The following BUB1 variants were observed in gnomAD, a reference collection of about 807,000 sequenced individuals.
BUB1 encodes the protein BUB1 mitotic checkpoint serine/threonine kinase.
A neutral mutation model predicts 135.2 loss-of-function variants in BUB1; 84 were observed. The observed-to-expected ratio is 0.62, with a 90% CI of 0.52 to 0.74. The LOEUF is 0.74. BUB1 is among the 30% of genes least tolerant of loss of function. The pLI, the probability that BUB1 is intolerant of heterozygous loss-of-function variation, is 0.00. For synonymous variants in BUB1, 403 were observed against 434.4 expected, an observed-to-expected ratio of 0.93 and a Z score of 0.90; for missense variants, 1,162 against 1,288.3, an observed-to-expected ratio of 0.90 and a Z score of 1.50.
At chr2:110,639,897 G>T in intron 23 of BUB1, 49 bp from the exon 24 acceptor site, 4 of 1,405,540 alleles carry the variant, frequency 2.8e-6, no homozygotes, top group South Asian at 2.3e-5. Flanking sequence ...ATTTACACAT[G>T]ACTATATCAA....
intron 3 of BUB1, 85 bp downstream of exon 3, chr2:110,674,001 G>C: frequency 9.0e-7 from 1 of 1,113,978 alleles, no homozygotes; most frequent in African/African-American, 1.6e-5. Context: ...GGAATTAAAA[G>C]CCTAAAATGA....
rs1302833597 is a variant in BUB1, at chr2:110,642,239, G to A, written c.2348-5C>T. The A allele has an allele frequency of 1.9e-6, 3 of 1,555,690 alleles. No homozygotes were observed. Among genetic ancestry groups the A allele is most frequent in the Non-Finnish European group, 2.6e-6 (3 of 1,149,376 alleles). On this transcript the variant is annotated splice_polypyrimidine_tract_variant and splice_region_variant and intron_variant, in intron 19 of 24. Coordinates refer to ENST00000302759, the MANE Select transcript of BUB1 (RefSeq NM_004336.5). Reference sequence around the variant, plus strand: ...GGACATAGACCAGCTTAGAACCTTAGAAGATAATTGAAAATTTTAATTTAT... The same window carrying A: ...GGACATAGACCAGCTTAGAACCTTAAAAGATAATTGAAAATTTTAATTTAT...
intron 17 of BUB1, among the ~76,000 whole-genome samples, chr2:110,652,393 A>G (rs1465606031): frequency 6.6e-6 from 1 of 152,196 alleles, no homozygotes; most frequent in Non-Finnish European, 1.5e-5. Context: ...AAATGGTCCC[A>G]AAGTATAGTG....
chr2:110,641,536 C>A, intron 21 of BUB1, 72 bp from the exon 22 acceptor site: 1 of 1,554,700 alleles, frequency 6.4e-7, no homozygotes. Flanking sequence ...GAGAGCTTTG[C>A]CCCTGCCCAC....
chr2:110,664,011 A>G (rs1446023510), intron 9 of BUB1, among the ~76,000 whole-genome samples: 4 of 147,982 alleles, frequency 2.7e-5, no homozygotes, highest in African/African-American at 1.0e-4. Context: ...CCTGGGAGAC[A>G]GTGAGACTCC....
rs188034762 is a variant in BUB1, at chr2:110,638,995, G to T, written c.3062+747C>A. 2.3e-4 allele frequency among the ~76,000 whole-genome samples: 35 copies of T among 152,046 alleles called. No homozygotes were observed. The East Asian group carries it at 6.4e-3, about 28-fold the overall frequency. ...GGTTCCTACTCTTACGTTTTCTCAA[G>T]AAGATATAAACATATGTAAAAGTCC... On this transcript the variant is annotated intron_variant, in intron 24 of 24. Transcript: ENST00000302759.
chr2:110,674,526 T>TA (rs1460459089), intron 1 of BUB1, among the ~76,000 whole-genome samples, 161 bp from the exon 2 acceptor site: 63 of 152,386 alleles, frequency 4.1e-4, no homozygotes, highest in African/African-American at 1.5e-3. Flanking sequence ...ATGAAAATCT[T>TA]AAATATCGAT....
At position 110,652,798 on chromosome 2, in the gene BUB1, C is replaced by T. The variant is rs115564824; in HGVS notation, c.1964+638G>A. Among the ~76,000 whole-genome samples the T allele has an allele frequency of 4.5e-3, 686 of 152,168 alleles. 9 individuals are homozygous for T. The highest frequency in any genetic ancestry group is 0.016 in the African/African-American group (657 of 41,524). On this transcript the variant is annotated intron_variant, in intron 17 of 24. Transcript: ENST00000302759. ...GCTATTTTCACTTGTCACATTTTTCCGTTGTAAACTTTTTTCAACTATACT... is the reference window on the plus strand; with the variant it reads ...GCTATTTTCACTTGTCACATTTTTCTGTTGTAAACTTTTTTCAACTATACT...
In BUB1 at chr2:110,641,123, A is replaced by G. The variant is rs921701936; in HGVS notation, c.2866T>C (p.Phe956Leu). 1.1e-5 allele frequency: 17 copies of G among 1,613,666 alleles called. No homozygotes were observed. Among genetic ancestry groups the G allele is most frequent in the Admixed American group, 1.7e-5 (1 of 59,910 alleles). Reference sequence around the variant, plus strand: ...GCTGTGAATATAGTTCCTTTTGGAAAAAGTTTCATATCTATACTCTGACCC... The same window carrying G: ...GCTGTGAATATAGTTCCTTTTGGAAGAAGTTTCATATCTATACTCTGACCC... Reference protein sequence around the residue: ...DLGQSIDMKLFPKGTIFTAKC... With the variant: ...DLGQSIDMKLLPKGTIFTAKC... Residue 956 changes from phenylalanine to leucine, a missense_variant, in exon 23 of 25, where the codon TTT (phenylalanine) becomes CTT (leucine). Coordinates refer to ENST00000302759, the MANE Select transcript of BUB1 (RefSeq NM_004336.5).
intron 11 of BUB1, 78 bp downstream of exon 11, chr2:110,659,900 A>T: frequency 7.6e-7 from 1 of 1,307,646 alleles, no homozygotes. Context: ...AGCCTTCATA[A>T]ACCACAGCCA....
chr2:110,665,694 C>G (rs760803570), intron 9 of BUB1, among the ~76,000 whole-genome samples: 13 of 151,414 alleles, frequency 8.6e-5, no homozygotes, highest in Non-Finnish European at 1.5e-4. Flanking sequence ...AAAAAACCAT[C>G]TAGTCACATA....
chr2:110,656,139 T>TTA (rs1380290811), intron 15 of BUB1, among the ~76,000 whole-genome samples: 1 of 152,136 alleles, frequency 6.6e-6, no homozygotes, highest in East Asian at 1.9e-4. Context: ...TGTTTTCAAA[T>TTA]TATATATATA....
intron 9 of BUB1, among the ~76,000 whole-genome samples, chr2:110,664,026 CAAA>C (rs77906765): frequency 4.7e-5 from 2 of 42,810 alleles, no homozygotes. Flanking sequence ...GACTCCATCT[CAAA>C]AAAAAAAAAA....
At chr2:110,640,893 C>A in intron 23 of BUB1, 141 bp downstream of exon 23, 1 of 705,308 alleles carries the variant, frequency 1.4e-6, no homozygotes, top group Non-Finnish European at 2.2e-6. Flanking sequence ...CTATCCCTGC[C>A]ATGTTGGCCT....
intron 5 of BUB1, 94 bp from the exon 6 acceptor site, chr2:110,669,647 G>A: frequency 1.4e-6 from 1 of 739,482 alleles, no homozygotes. Flanking sequence ...CTTCCAGTAG[G>A]AATCATAAGA....
rs1689702937 is a variant in BUB1, at chr2:110,648,523, A to G, written c.2347+711T>C. ...AAAACCCCACAGGATATACAACCCAAAGAGTGAACCCTAATGTAAACTAGC... is the reference window on the plus strand; with the variant it reads ...AAAACCCCACAGGATATACAACCCAGAGAGTGAACCCTAATGTAAACTAGC... On this transcript the variant is annotated intron_variant, in intron 19 of 24. Coordinates refer to ENST00000302759, the MANE Select transcript of BUB1 (RefSeq NM_004336.5). The surrounding 1 kb of genome is among the most constrained non-coding windows in gnomAD (Gnocchi z 4.2). Among the ~76,000 whole-genome samples the G allele has an allele frequency of 6.6e-6, 1 of 152,210 alleles. No individual in the cohort carries two copies. Among genetic ancestry groups the G allele is most frequent in the Admixed American group, 6.5e-5 (1 of 15,272 alleles).
intron 4 of BUB1, among the ~76,000 whole-genome samples, chr2:110,672,155 A>C (rs1208298401): frequency 1.3e-5 from 2 of 152,192 alleles, no homozygotes; most frequent in African/African-American, 4.8e-5. Context: ...TGAGCCCAGA[A>C]GTGGCAGGTT....
chr2:110,644,952 T>C (rs1054942720), intron 19 of BUB1, among the ~76,000 whole-genome samples: 24 of 151,950 alleles, frequency 1.6e-4, no homozygotes, highest in African/African-American at 4.8e-4. Flanking sequence ...GGAGACAAAA[T>C]GGAATTATGA....
chr2:110,667,427 A>C, intron 8 of BUB1, 94 bp downstream of exon 8: 1 of 1,257,748 alleles, frequency 8.0e-7, no homozygotes, highest in Middle Eastern at 2.0e-4. Context: ...CAGTCTTTCA[A>C]CATAGTCAAT....
Sources: allele counts gnomAD v4.1 joint callset (sites outside exome capture counted in the v4.1 genomes callset), GRCh38; gene constraint gnomAD v4.1.1; non-coding constraint Gnocchi (gnomAD v3.1); transcripts MANE v1.5; gene names NCBI Gene and HGNC (gene_info 2026-07-23, HGNC 2026-07-21).